The following ASIC2 variants were observed in gnomAD, a reference collection of about 807,000 sequenced individuals.
The protein encoded by ASIC2 is acid-sensing ion channel 2.
In ASIC2, 25 loss-of-function variants were observed where a neutral mutation model predicts 57.3. That is an observed-to-expected ratio of 0.44 (90% CI 0.32 to 0.61). ASIC2 has a LOEUF of 0.61. Ranked by LOEUF, ASIC2 falls within the 20% of genes least tolerant of loss-of-function variation. The probability of loss-of-function intolerance (pLI) is 0.06; values close to 1 mark genes in which losing one functional copy is unlikely to be tolerated. For missense variants in ASIC2, 641 were observed against 738.1 expected, an observed-to-expected ratio of 0.87 and a Z score of 1.52; for synonymous variants, 319 against 307.5, an observed-to-expected ratio of 1.04 and a Z score of -0.39.
intron 1 of ASIC2, among the ~76,000 whole-genome samples, chr17:33,843,551 T>C (rs186840179): frequency 3.3e-5 from 5 of 152,358 alleles, no homozygotes; most frequent in Admixed American, 6.5e-5. Flanking sequence ...TCAAGGCTAC[T>C]AGAAGACTTA....
At chr17:34,096,882 A>C (rs1410102850) in intron 1 of ASIC2, among the ~76,000 whole-genome samples, 1 of 150,204 alleles carries the variant, frequency 6.7e-6, no homozygotes, top group Non-Finnish European at 1.5e-5. Context: ...AAAAAAAAAA[A>C]AAAGTAGATA....
At chr17:33,308,372 A>G (rs1157980872) in intron 1 of ASIC2, among the ~76,000 whole-genome samples, 1 of 152,174 alleles carries the variant, frequency 6.6e-6, no homozygotes, top group Non-Finnish European at 1.5e-5. Context: ...GACTTGCTTC[A>G]TCCTGCTTCC....
At chr17:33,306,342 T>A (rs1433313623) in intron 1 of ASIC2, among the ~76,000 whole-genome samples, 3 of 152,198 alleles carry the variant, frequency 2.0e-5, no homozygotes, top group Non-Finnish European at 4.4e-5. Context: ...GGAGTGTTTT[T>A]TCCCCCTAGC....
intron 1 of ASIC2, among the ~76,000 whole-genome samples, chr17:33,781,713 C>A (rs1028730878): frequency 6.6e-6 from 1 of 152,130 alleles, no homozygotes; most frequent in Non-Finnish European, 1.5e-5. Flanking sequence ...TCCTTTCCCC[C>A]ACCGCTGACA....
In ASIC2 at chr17:34,156,383, C is replaced by T. The variant is rs766067945; in HGVS notation, c.150G>A (p.Val50=). The T allele has an allele frequency of 6.2e-7, 1 of 1,614,198 alleles. No homozygotes were observed. Among genetic ancestry groups the T allele is most frequent in the Admixed American group, 1.7e-5 (1 of 60,032 alleles). ...CCACCAGCAGCAGGCCCAGAGAGCC[C>T]ACGAAGGCCACTGCCCACAGCACAC... Residue 50 remains valine, a synonymous_variant, in exon 1 of 10, where the codon GTG becomes GTA. Coordinates refer to the ASIC2 transcript ENST00000359872. The surrounding 1 kb of genome is among the most constrained non-coding windows in gnomAD (Gnocchi z 4.4).
At chr17:33,661,075 C>T (rs1467317087) in intron 1 of ASIC2, among the ~76,000 whole-genome samples, 1 of 152,126 alleles carries the variant, frequency 6.6e-6, no homozygotes, top group Admixed American at 6.5e-5. Flanking sequence ...ACCCAGCTCC[C>T]GGGGAGAAGC....
chr17:33,613,521 C>T (rs757765420), intron 1 of ASIC2, among the ~76,000 whole-genome samples: 11 of 151,716 alleles, frequency 7.3e-5, no homozygotes, highest in African/African-American at 1.9e-4. Context: ...CCCGCCACCA[C>T]GCCCAGCTAA....
chr17:33,480,970 G>A (rs1002737331), intron 1 of ASIC2, among the ~76,000 whole-genome samples: 13 of 152,124 alleles, frequency 8.5e-5, no homozygotes, highest in Non-Finnish European at 4.4e-5. Flanking sequence ...CTCAGTTCTT[G>A]ACCTCTCAAC....
Position 33,706,066 on chromosome 17 carries a change from T to C in ASIC2, c.555+449912A>G, listed in dbSNP as rs59446880. 2.2e-3 allele frequency among the ~76,000 whole-genome samples: 333 copies of C among 152,226 alleles called. 3 individuals carry two copies. Among genetic ancestry groups the C allele is most frequent in the African/African-American group, 7.8e-3 (326 of 41,546 alleles). ...GAAACTCTTATACCTCCTAAACATA[T>C]ACATATATATGCACATGTATGCATA... On this transcript the variant is annotated intron_variant, in intron 1 of 9. Transcript: ENST00000359872.
intron 1 of ASIC2, among the ~76,000 whole-genome samples, chr17:33,709,404 TCAGATGAA>T (rs1322404012): frequency 2.0e-5 from 3 of 152,220 alleles, no homozygotes; most frequent in Non-Finnish European, 4.4e-5. Flanking sequence ...GATTATTCAT[TCAGATGAA>T]CCTAATGTAC....
intron 1 of ASIC2, chr17:33,791,772 T>A (rs1205197833): frequency 6.6e-6 from 1 of 152,002 alleles, no homozygotes; most frequent in African/African-American, 2.4e-5. Context: ...GCTATAATAG[T>A]TCATAAATGG....
intron 1 of ASIC2, among the ~76,000 whole-genome samples, chr17:33,811,412 C>T (rs549900302): frequency 6.6e-5 from 10 of 152,328 alleles, no homozygotes; most frequent in Non-Finnish European, 1.3e-4. Context: ...GCTCATATCC[C>T]TCCATGTGCT....
chr17:33,782,496 C>T (rs954977972), intron 1 of ASIC2, among the ~76,000 whole-genome samples: 12 of 152,066 alleles, frequency 7.9e-5, no homozygotes, highest in Middle Eastern at 3.4e-3. Flanking sequence ...TTTGGGAGGC[C>T]GAGGCAGACT....
At chr17:33,405,910 A>C (rs1254319489) in intron 1 of ASIC2, among the ~76,000 whole-genome samples, 1 of 152,144 alleles carries the variant, frequency 6.6e-6, no homozygotes, top group African/African-American at 2.4e-5. Context: ...GCCAGGTACC[A>C]GACAGTTAGA....
At chr17:33,520,743 A>G (rs989624876) in intron 1 of ASIC2, among the ~76,000 whole-genome samples, 4 of 152,252 alleles carry the variant, frequency 2.6e-5, no homozygotes, top group African/African-American at 9.6e-5. Context: ...TTCACAGCAA[A>G]TGTATCCCTG....
At chr17:34,047,253 T>C (rs1467962876) in intron 1 of ASIC2, among the ~76,000 whole-genome samples, 2 of 152,072 alleles carry the variant, frequency 1.3e-5, no homozygotes, top group Non-Finnish European at 2.9e-5. Context: ...AACATATATA[T>C]AATGAGCACC....
chr17:33,849,802 G>A (rs1913715095), intron 1 of ASIC2, among the ~76,000 whole-genome samples: 1 of 152,190 alleles, frequency 6.6e-6, no homozygotes, highest in Non-Finnish European at 1.5e-5. Flanking sequence ...TTGGACTCCT[G>A]AAGGCAACAG....
chr17:33,327,527 T>C (rs1210604809), intron 1 of ASIC2, among the ~76,000 whole-genome samples: 1 of 152,192 alleles, frequency 6.6e-6, no homozygotes, highest in East Asian at 1.9e-4. Context: ...CCACCTATCA[T>C]GTACTCTGCA....
intron 1 of ASIC2, among the ~76,000 whole-genome samples, chr17:33,758,044 A>G (rs1387004292): frequency 6.6e-6 from 1 of 152,236 alleles, no homozygotes; most frequent in Non-Finnish European, 1.5e-5. Context: ...ATTCTTGCTT[A>G]TTTGGTTGCA....
Sources: gnomAD v4.1 joint callset for allele counts (sites outside exome capture counted in the v4.1 genomes callset) on GRCh38, gnomAD v4.1.1 for gene constraint, Gnocchi (gnomAD v3.1) non-coding constraint, MANE v1.5 for transcripts, NCBI Gene and HGNC (gene_info 2026-07-23, HGNC 2026-07-21) for gene names.